Variants in CTNND2 observed in about 807,000 individuals in gnomAD.
CTNND2 encodes catenin delta-2.
A neutral mutation model predicts 144.4 loss-of-function variants in CTNND2; 22 were observed. The observed-to-expected ratio is 0.15, with a 90% CI of 0.11 to 0.22. The LOEUF (loss-of-function observed/expected upper bound fraction) is 0.22, where lower values mean the gene tolerates loss of function less well. Ranked by LOEUF, CTNND2 falls within the 10% of genes least tolerant of loss-of-function variation. The pLI, the probability that CTNND2 is intolerant of heterozygous loss-of-function variation, is 1.00. For missense variants in CTNND2, 1,353 were observed against 1,618.8 expected (o/e 0.84, Z 2.82); for synonymous variants, 751 against 695.6 (o/e 1.08, Z -1.25).
chr5:11,588,592 C>G (rs1779023985), intron 2 of CTNND2: 1 of 219,148 alleles, frequency 4.6e-6, no homozygotes, highest in Non-Finnish European at 7.7e-6. Context: ...ACTGTGAGGT[C>G]AGAAATAAAT....
chr5:11,703,926 G>T (rs565601499), intron 2 of CTNND2, among the ~76,000 whole-genome samples: 8 of 152,248 alleles, frequency 5.3e-5, no homozygotes, highest in African/African-American at 1.9e-4. Context: ...AAAATTAAAA[G>T]AATTATCTTT....
At chr5:11,612,873 C>T (rs1780400286) in intron 2 of CTNND2, among the ~76,000 whole-genome samples, 1 of 151,888 alleles carries the variant, frequency 6.6e-6, no homozygotes, top group Non-Finnish European at 1.5e-5. Context: ...GCACTCCAGC[C>T]TAGGTGAAAA....
At chr5:11,837,489 G>A (rs970817041) in intron 1 of CTNND2, among the ~76,000 whole-genome samples, 5 of 152,176 alleles carry the variant, frequency 3.3e-5, no homozygotes, top group Non-Finnish European at 5.9e-5. Context: ...GTGAGCCAAG[G>A]GCAGGGAAGA....
intron 19 of CTNND2, among the ~76,000 whole-genome samples, chr5:10,990,169 T>C (rs758614754): frequency 1.2e-4 from 19 of 152,172 alleles, no homozygotes; most frequent in Non-Finnish European, 2.5e-4. Context: ...ACAGTGACCC[T>C]GTGTAGGTGG....
chr5:11,097,529 A>G (rs999027953), intron 15 of CTNND2, among the ~76,000 whole-genome samples: 1 of 152,212 alleles, frequency 6.6e-6, no homozygotes, highest in Non-Finnish European at 1.5e-5. Flanking sequence ...GGGATGGCAC[A>G]CTTGAGAAAG....
chr5:11,697,050 T>C (rs1785173310), intron 2 of CTNND2, among the ~76,000 whole-genome samples: 1 of 152,212 alleles, frequency 6.6e-6, no homozygotes, highest in Admixed American at 6.5e-5. Flanking sequence ...ATTCAGCCAT[T>C]ATAGGTAATG....
At chr5:11,544,883 C>T (rs544497685) in intron 3 of CTNND2, among the ~76,000 whole-genome samples, 1 of 151,978 alleles carries the variant, frequency 6.6e-6, no homozygotes, top group South Asian at 2.1e-4. Flanking sequence ...CTTTGGGAGG[C>T]GGAGGCGGGC....
At chr5:11,005,001 C>T (rs1740334710) in intron 18 of CTNND2, among the ~76,000 whole-genome samples, 1 of 152,088 alleles carries the variant, frequency 6.6e-6, no homozygotes, top group Non-Finnish European at 1.5e-5. Flanking sequence ...ATGATCACAT[C>T]AATAGCCAGG....
intron 2 of CTNND2, among the ~76,000 whole-genome samples, chr5:11,602,668 A>T (rs1039277936): frequency 4.5e-4 from 66 of 146,368 alleles, no homozygotes; most frequent in Admixed American, 4.4e-3. Context: ...ATTATATATA[A>T]TATATATTAT....
chr5:11,047,542 G>C (rs903642930), intron 16 of CTNND2, among the ~76,000 whole-genome samples: 15 of 152,158 alleles, frequency 9.9e-5, no homozygotes, highest in African/African-American at 3.6e-4. Flanking sequence ...CAGATGCACA[G>C]ATACATGCAT....
intron 2 of CTNND2, among the ~76,000 whole-genome samples, chr5:11,716,324 G>C (rs967890941): frequency 7.2e-5 from 11 of 152,166 alleles, no homozygotes; most frequent in Admixed American, 6.5e-4. Flanking sequence ...AAATAATTGA[G>C]GGATGTTAAC....
chr5:11,478,573 CT>C (rs1287737761), intron 3 of CTNND2, among the ~76,000 whole-genome samples: 1 of 152,172 alleles, frequency 6.6e-6, no homozygotes, highest in African/African-American at 2.4e-5. Context: ...GAGAAAACAG[CT>C]TTTCTTTTAA....
rs1353308426 is a variant in CTNND2, at chr5:10,992,661, T to C, written c.3101A>G (p.Tyr1034Cys). ...SLYKKDGWSQ[Y>C]HFVASSSTIE... is the part of the protein sequence containing the mutation. ...GGTTGAAGACGAGGCTACAAAGTGG[T>C]ATTGTGACCATCCATCCTGCAAAAC... Residue 1034 changes from tyrosine to cysteine, a missense_variant, in exon 19 of 22, where the codon TAC (tyrosine) becomes TGC (cysteine). Tyr to Cys is a radical substitution (Grantham distance 194). This residue lies in a region of CTNND2 where 459 missense variants were observed against 674.3 expected (regional missense o/e 0.68). Coordinates refer to ENST00000304623, the MANE Select transcript of CTNND2 (RefSeq NM_001332.4). 2 of 1,614,036 alleles carry C rather than the reference T, an allele frequency of 1.2e-6. No individual in the cohort carries two copies. The highest frequency in any genetic ancestry group is 2.2e-5 in the South Asian group (2 of 91,068).
chr5:11,569,360 T>C (rs1271742230), intron 2 of CTNND2, among the ~76,000 whole-genome samples: 1 of 152,228 alleles, frequency 6.6e-6, no homozygotes, highest in Non-Finnish European at 1.5e-5. Flanking sequence ...TTCATTAAAA[T>C]GTACAAAGAA....
At chr5:11,147,543 G>A (rs753484115) in intron 12 of CTNND2, among the ~76,000 whole-genome samples, 6 of 152,220 alleles carry the variant, frequency 3.9e-5, no homozygotes, top group Middle Eastern at 3.4e-3. Context: ...CAGCTGAGAC[G>A]GGCTGATACC....
At chr5:11,769,025 C>A (rs1452354896) in intron 1 of CTNND2, among the ~76,000 whole-genome samples, 4 of 152,190 alleles carry the variant, frequency 2.6e-5, no homozygotes, top group Non-Finnish European at 4.4e-5. Flanking sequence ...AGAGGCAACT[C>A]CCCTCAGAAT....
chr5:10,995,512 A>G (rs2149505498), intron 18 of CTNND2, among the ~76,000 whole-genome samples: 1 of 152,340 alleles, frequency 6.6e-6, no homozygotes, highest in South Asian at 2.1e-4. Flanking sequence ...CGGTCCCAAA[A>G]GATAATGAGA....
chr5:11,129,301 A>ATT (rs1361841045), intron 12 of CTNND2, among the ~76,000 whole-genome samples: 1 of 45,252 alleles, frequency 2.2e-5, no homozygotes. Flanking sequence ...TATAATATAT[A>ATT]TTATATATAT....
At chr5:11,817,596 G>C (rs183989596) in intron 1 of CTNND2, among the ~76,000 whole-genome samples, 1 of 152,022 alleles carries the variant, frequency 6.6e-6, no homozygotes, top group Non-Finnish European at 1.5e-5. Flanking sequence ...CAGCTTTGCG[G>C]GGCAGCTGTG....
Sources: gnomAD v4.1 joint callset for allele counts (sites outside exome capture counted in the v4.1 genomes callset) on GRCh38, gnomAD v4.1.1 for gene constraint, gnomAD v4.1.1 regional missense constraint, MANE v1.5 for transcripts, NCBI Gene and HGNC (gene_info 2026-07-23, HGNC 2026-07-21) for gene names.